Variants in GAS2 observed in about 807,000 individuals in gnomAD.
The protein encoded by GAS2 is growth arrest-specific protein 2.
Under a neutral mutation model 37.5 loss-of-function variants are expected in GAS2, and 20 were observed. The ratio of observed to expected loss-of-function variants is 0.53; its 90% CI spans 0.37 to 0.77. The LOEUF (loss-of-function observed/expected upper bound fraction) is 0.77, where lower values mean the gene tolerates loss of function less well. GAS2 is among the 30% of genes least tolerant of loss of function. GAS2 has a pLI of 0.00. For synonymous variants in GAS2, 144 were observed against 132.2 expected (o/e 1.09, Z -0.61); for missense variants, 336 against 373.4 (o/e 0.90, Z 0.82).
intron 1 of GAS2, 94 bp from the exon 2 acceptor site, chr11:22,674,756 A>C (rs1849347625): frequency 2.2e-6 from 2 of 914,726 alleles, no homozygotes; most frequent in East Asian, 5.2e-5. Flanking sequence ...GTCATCAGAA[A>C]ACCCGCGGAT....
intron 3 of GAS2, among the ~76,000 whole-genome samples, chr11:22,725,193 T>C (rs1161216624): frequency 6.6e-6 from 1 of 152,010 alleles, no homozygotes; most frequent in Non-Finnish European, 1.5e-5. Context: ...TAACACTTGG[T>C]ATGGTTCCAA....
intron 7 of GAS2, among the ~76,000 whole-genome samples, chr11:22,797,156 A>G (rs537269220): frequency 1.3e-5 from 2 of 152,164 alleles, no homozygotes; most frequent in African/African-American, 2.4e-5. Context: ...GAGCCCTTAC[A>G]TAACAACGAG....
At chr11:22,647,789 A>G (rs1848720386) in intron 1 of GAS2, among the ~76,000 whole-genome samples, 1 of 151,828 alleles carries the variant, frequency 6.6e-6, no homozygotes, top group Non-Finnish European at 1.5e-5. Flanking sequence ...TTTCTTGTAA[A>G]TTTGTTTGAG....
At chr11:22,691,953 G>C (rs1850265520) in intron 3 of GAS2, among the ~76,000 whole-genome samples, 1 of 151,850 alleles carries the variant, frequency 6.6e-6, no homozygotes, top group Admixed American at 6.6e-5. Context: ...GAAATGTCTT[G>C]CTTAATGTTT....
chr11:22,669,107 T>C (rs564703434), intron 1 of GAS2, among the ~76,000 whole-genome samples: 4 of 152,216 alleles, frequency 2.6e-5, no homozygotes, highest in South Asian at 2.1e-4. Flanking sequence ...TGTGTATATA[T>C]TTCCACAGAA....
chr11:22,712,015 G>A (rs1851428739), intron 3 of GAS2, among the ~76,000 whole-genome samples: 1 of 152,108 alleles, frequency 6.6e-6, no homozygotes, highest in Admixed American at 6.5e-5. Flanking sequence ...CCAGTGTAGG[G>A]CAAAATTATA....
chr11:22,642,105 C>G (rs73471777), intron 1 of GAS2, among the ~76,000 whole-genome samples: 1 of 151,960 alleles, frequency 6.6e-6, no homozygotes, highest in African/African-American at 2.4e-5. Flanking sequence ...AATTTTGAAG[C>G]ACAAGAATGA....
chr11:22,643,808 A>G (rs1848656836), intron 1 of GAS2, among the ~76,000 whole-genome samples: 1 of 152,088 alleles, frequency 6.6e-6, no homozygotes, highest in South Asian at 2.1e-4. Flanking sequence ...TTTATCCAAC[A>G]GTTATCAGTA....
At chr11:22,633,811 T>C (rs1424618097) in intron 1 of GAS2, among the ~76,000 whole-genome samples, 1 of 152,190 alleles carries the variant, frequency 6.6e-6, no homozygotes, top group African/African-American at 2.4e-5. Flanking sequence ...ATCCCTTTTC[T>C]TCTGTAGGAA....
intron 1 of GAS2, among the ~76,000 whole-genome samples, chr11:22,628,588 G>A (rs1389958980): frequency 1.3e-5 from 2 of 151,920 alleles, no homozygotes; most frequent in Non-Finnish European, 2.9e-5. Context: ...TTCAAATATT[G>A]TAGCTCATAA....
intron 1 of GAS2, among the ~76,000 whole-genome samples, chr11:22,652,993 G>GTCTTTCTTTCTTTCTTTCTTTT (rs1565067479): frequency 2.1e-5 from 2 of 97,036 alleles, no homozygotes; most frequent in African/African-American, 9.8e-5. Context: ...TTCTTTCTTT[G>GTCTTTCTTTCTTTCTTTCTTTT]TCTTTCTTTC....
At chr11:22,682,801 G>A (rs1029422414) in intron 2 of GAS2, among the ~76,000 whole-genome samples, 5 of 146,618 alleles carry the variant, frequency 3.4e-5, no homozygotes, top group South Asian at 2.1e-4. Flanking sequence ...AGCCAAGATC[G>A]TGCCACTGCA....
chr11:22,736,667 A>T (rs1165534558), intron 4 of GAS2, among the ~76,000 whole-genome samples: 1 of 152,228 alleles, frequency 6.6e-6, no homozygotes, highest in East Asian at 1.9e-4. Flanking sequence ...GAATAGAATA[A>T]TACTGGAAAG....
intron 1 of GAS2, among the ~76,000 whole-genome samples, chr11:22,656,760 C>T (rs1276641863): frequency 3.9e-5 from 6 of 152,086 alleles, no homozygotes; most frequent in Non-Finnish European, 8.8e-5. Context: ...TTGCTTATTA[C>T]TTTCTCAGTG....
intron 1 of GAS2, among the ~76,000 whole-genome samples, chr11:22,652,267 A>G (rs1015929428): frequency 4.6e-5 from 7 of 152,188 alleles, no homozygotes; most frequent in Non-Finnish European, 8.8e-5. Context: ...TTGAGGAGGC[A>G]GTCTGCCCGT....
Position 22,720,724 on chromosome 11 carries a change from T to C in GAS2, c.268-5568T>C, listed in dbSNP as rs866848300. On this transcript the variant is annotated intron_variant, in intron 3 of 7. Coordinates refer to ENST00000454584, the MANE Select transcript of GAS2 (RefSeq NM_001143830.3). ...TGTCTTCATTTATGTATCTCTTCTG[T>C]TTTATATCTCAAATGTCTACTTGAT... 3.9e-5 allele frequency among the ~76,000 whole-genome samples: 6 copies of C among 152,130 alleles called. No homozygotes were observed. The South Asian group carries it at 6.2e-4, about 16-fold the overall frequency.
At chr11:22,698,295 G>A (rs2758356) in intron 3 of GAS2, among the ~76,000 whole-genome samples, 94,858 of 151,938 alleles carry the variant, frequency 0.62, 33,807 homozygotes, top group Non-Finnish European at 0.8. Flanking sequence ...CCTCAACACA[G>A]TCACCCTCCC....
intron 7 of GAS2, among the ~76,000 whole-genome samples, chr11:22,807,777 A>C (rs1223981429): frequency 1.3e-5 from 2 of 152,168 alleles, no homozygotes; most frequent in Non-Finnish European, 2.9e-5. Context: ...AAATATAACT[A>C]TGTGTAGGAA....
At chr11:22,754,611 T>A (rs1853924810) in intron 6 of GAS2, among the ~76,000 whole-genome samples, 1 of 152,110 alleles carries the variant, frequency 6.6e-6, no homozygotes, top group Admixed American at 6.6e-5. Flanking sequence ...TTTTTTCCTT[T>A]TTTTTTGGTT....
Sources: gnomAD v4.1 joint callset for allele counts (sites outside exome capture counted in the v4.1 genomes callset) on GRCh38, gnomAD v4.1.1 for gene constraint, MANE v1.5 for transcripts, NCBI Gene and HGNC (gene_info 2026-07-23, HGNC 2026-07-21) for gene names.